Variants in RBM41 observed in about 807,000 individuals in gnomAD.
The protein encoded by RBM41 is RNA-binding protein 41.
In RBM41, 14 loss-of-function variants were observed where a neutral mutation model predicts 30.8. The observed-to-expected ratio is 0.45, with a 90% CI of 0.30 to 0.71. The LOEUF (loss-of-function observed/expected upper bound fraction) is 0.71, where lower values mean the gene tolerates loss of function less well. Ranked by LOEUF, RBM41 falls within the 30% of genes least tolerant of loss-of-function variation. The pLI is 0.08. For synonymous variants in RBM41, 120 were observed against 110.1 expected (o/e 1.09, Z -0.56); for missense variants, 276 against 326.3 (o/e 0.85, Z 1.19).
intron 6 of RBM41, among the ~76,000 whole-genome samples, chrX:107,074,426 T>C (rs1378900460): frequency 2.7e-5 from 3 of 111,752 alleles, no homozygotes; most frequent in Admixed American, 9.6e-5. Context: ...ATAGCTTTCA[T>C]GGAAGACCTC....
At chrX:107,091,163 T>C (rs1415765456) in intron 5 of RBM41, among the ~76,000 whole-genome samples, 1 of 112,015 alleles carries the variant, frequency 8.9e-6, no homozygotes, top group African/African-American at 3.2e-5. Context: ...AAATTTAAGA[T>C]AACAAGATTT....
chrX:107,082,490 C>T (rs927784539), intron 6 of RBM41, among the ~76,000 whole-genome samples: 2 of 111,227 alleles, frequency 1.8e-5, no homozygotes, highest in Admixed American at 9.6e-5. Flanking sequence ...CTTCTATACA[C>T]GAGGGATACT....
chrX:107,076,357 AAATAAAT>A (rs1337552530), intron 6 of RBM41, among the ~76,000 whole-genome samples: 13 of 107,661 alleles, frequency 1.2e-4, no homozygotes, highest in Middle Eastern at 4.9e-3. Context: ...ATAAATAAAT[AAATAAAT>A]AAAATACAAT....
intron 7 of RBM41, 111 bp from the exon 8 acceptor site, chrX:107,067,804 T>C: frequency 4.7e-6 from 4 of 842,132 alleles, no homozygotes; most frequent in Non-Finnish European, 6.2e-6. Context: ...TATAAGGCCA[T>C]ATAGTCATTT....
At chrX:107,111,431 T>C (rs1234967778) in intron 5 of RBM41, among the ~76,000 whole-genome samples, 1 of 111,136 alleles carries the variant, frequency 9.0e-6, no homozygotes, top group Non-Finnish European at 1.9e-5. Flanking sequence ...TCTTATCTTG[T>C]GCATTGCTGG....
chrX:107,080,073 G>A (rs776722227), intron 6 of RBM41, among the ~76,000 whole-genome samples: 1 of 111,602 alleles, frequency 9.0e-6, no homozygotes, highest in African/African-American at 3.3e-5. Context: ...TATGAATAAA[G>A]CTACTATGAA....
intron 6 of RBM41, among the ~76,000 whole-genome samples, chrX:107,080,827 G>T (rs1021491914): frequency 2.7e-5 from 3 of 111,410 alleles, no homozygotes; most frequent in Admixed American, 9.5e-5. Flanking sequence ...ATCTTCTGTG[G>T]TGACGTGTTT....
intron 6 of RBM41, among the ~76,000 whole-genome samples, chrX:107,077,375 C>T (rs934449915): frequency 1.3e-4 from 14 of 111,022 alleles, no homozygotes; most frequent in African/African-American, 4.3e-4. Context: ...TCAGGTGATC[C>T]ACCCGCCTCG....
intron 5 of RBM41, among the ~76,000 whole-genome samples, chrX:107,102,850 A>G (rs780161799): frequency 2.7e-5 from 3 of 111,485 alleles, no homozygotes; most frequent in Non-Finnish European, 5.6e-5. Flanking sequence ...TTAGACCAGT[A>G]ACCCCTTTAT....
At chrX:107,079,056 T>G (rs1024317882) in intron 6 of RBM41, among the ~76,000 whole-genome samples, 2 of 111,641 alleles carry the variant, frequency 1.8e-5, no homozygotes, top group African/African-American at 6.5e-5. Context: ...TGGTTCATTT[T>G]ATTAGAAAAT....
At chrX:107,102,205 G>A in intron 5 of RBM41, among the ~76,000 whole-genome samples, 1 of 111,410 alleles carries the variant, frequency 9.0e-6, no homozygotes, top group Non-Finnish European at 1.9e-5. Context: ...TTCTACTGTT[G>A]GGCAAAAAGT....
In RBM41 at chrX:107,065,709, A is replaced by G; in HGVS notation, c.*1818T>C. 8.8e-7 allele frequency: 1 copy of G among 1,135,844 alleles called. No individual in the cohort carries two copies. Among genetic ancestry groups the G allele is most frequent in the Non-Finnish European group, 1.2e-6 (1 of 857,206 alleles). 93.6% of individuals were successfully genotyped at this position (1,135,844 alleles called of 1,213,427 possible). ...CCTGTGGATTTGTCTTACCATCTGG[A>G]GTCAGTTCTTTAGTACAAGACAGTT... On this transcript the variant is annotated 3_prime_UTR_variant, in exon 8 of 8. Transcript: ENST00000685964.
Position 107,065,424 on chromosome X carries a change from A to C in RBM41, c.*2103T>G. On this transcript the variant is annotated 3_prime_UTR_variant, in exon 8 of 8. Transcript: ENST00000685964. ...GGTTGCTCTAGGGCTTACCATACAC[A>C]TCTTAACTAAACAGAATAGGCTTCA... 6.7e-6 allele frequency: 1 copy of C among 149,894 alleles called. No homozygotes were observed. The highest frequency in any genetic ancestry group is 1.3e-5 in the Non-Finnish European group (1 of 77,945). The allele number at this position is 149,894 out of a possible 1,213,427, so 12.4% of individuals were successfully genotyped here.
rs1047423905 is a variant in RBM41 at position 107,063,778 on chromosome X, T to C, written c.*3749A>G. 4.5e-5 allele frequency among the ~76,000 whole-genome samples: 5 copies of C among 110,924 alleles called. No individual in the cohort carries two copies. Among genetic ancestry groups the C allele is most frequent in the Non-Finnish European group, 9.4e-5 (5 of 53,022 alleles). ...GGTGTGTCAGTTTTACTGATCTTTT[T>C]ATAGAATCAACTTTTGGTTGCATTG... On this transcript the variant is annotated 3_prime_UTR_variant, in exon 8 of 8. Coordinates refer to ENST00000685964, the MANE Select transcript of RBM41 (RefSeq NM_001324242.2).
intron 5 of RBM41, among the ~76,000 whole-genome samples, chrX:107,109,104 A>G (rs918928573): frequency 1.3e-4 from 14 of 111,571 alleles, no homozygotes; most frequent in African/African-American, 4.6e-4. Context: ...ATACACAAAA[A>G]CAGTAAAAGA....
chrX:107,078,877 G>A (rs1237034503), intron 6 of RBM41, among the ~76,000 whole-genome samples: 4 of 106,336 alleles, frequency 3.8e-5, no homozygotes, highest in South Asian at 4.0e-4. Flanking sequence ...GAAATACCCC[G>A]AATGTCAAAA....
chrX:107,068,300 G>A (rs1282670161), intron 7 of RBM41, among the ~76,000 whole-genome samples: 1 of 111,127 alleles, frequency 9.0e-6, no homozygotes, highest in Non-Finnish European at 1.9e-5. Context: ...GGAATCCTAA[G>A]TAGACAAGTA....
intron 6 of RBM41, among the ~76,000 whole-genome samples, chrX:107,086,138 A>G (rs1268038810): frequency 8.9e-6 from 1 of 112,026 alleles, no homozygotes; most frequent in Non-Finnish European, 1.9e-5. Flanking sequence ...AAACAATGAG[A>G]TAACTTTTCA....
chrX:107,057,376 T>G (rs1935597617), downstream of RBM41, among the ~76,000 whole-genome samples: 1 of 112,207 alleles, frequency 8.9e-6, no homozygotes, highest in Non-Finnish European at 1.9e-5. Flanking sequence ...TGTTTTTGTT[T>G]TCATTTGTCT....
Sources: allele counts gnomAD v4.1 joint callset (sites outside exome capture counted in the v4.1 genomes callset), GRCh38; gene constraint gnomAD v4.1.1; transcripts MANE v1.5; gene names NCBI Gene and HGNC (gene_info 2026-07-23, HGNC 2026-07-21).